TRIP12: variants seen among roughly 807,000 people sequenced by gnomAD.
TRIP12 encodes the protein E3 ubiquitin-protein ligase TRIP12.
TRIP12 carries 25 observed loss-of-function variants against 244.2 expected under a neutral mutation model. That is an observed-to-expected ratio of 0.10 (90% CI 0.07 to 0.14). TRIP12 has a LOEUF of 0.14. TRIP12 is among the 10% of genes least tolerant of loss of function. TRIP12 has a pLI of 1.00. For synonymous variants in TRIP12, 905 were observed against 873.1 expected, an observed-to-expected ratio of 1.04 and a Z score of -0.64; for missense variants, 1,677 against 2,486.4, an observed-to-expected ratio of 0.67 and a Z score of 6.92.
At position 229,797,765 on chromosome 2, in the gene TRIP12, C is replaced by T. The variant is rs2043174274; in HGVS notation, c.3549G>A (p.Glu1183=). 5 of 1,613,914 alleles carry T rather than the reference C, an allele frequency of 3.1e-6. No individual in the cohort carries two copies. Among genetic ancestry groups the T allele is most frequent in the Non-Finnish European group, 4.2e-6 (5 of 1,179,954 alleles). The change falls in exon 24 of 42, where the codon GAG becomes GAA. Residue 1183 remains glutamate, a synonymous_variant. Coordinates refer to ENST00000675903, the MANE Select transcript of TRIP12 (RefSeq NM_001348323.3). The part of the protein sequence containing the change: ...HKFVERYFSS[E]NMDGSNPALN... ...ATGCAGGGTTGCTTCCATCCATATTCTCAGAACTGAAATAACGTTCTACAA... is the reference window on the plus strand; with the variant it reads ...ATGCAGGGTTGCTTCCATCCATATTTTCAGAACTGAAATAACGTTCTACAA...
chr2:229,769,474 TAATAA>T (rs1349481238), intron 39 of TRIP12, 149 bp from the exon 40 acceptor site: 1 of 395,374 alleles, frequency 2.5e-6, no homozygotes, highest in Admixed American at 4.5e-5. Context: ...AAAAAAATAA[TAATAA>T]AATAAAATAA....
intron 6 of TRIP12, chr2:229,831,093 A>G (rs1371238198): frequency 1.4e-6 from 1 of 706,462 alleles, no homozygotes; most frequent in African/African-American, 1.8e-5. Context: ...GCTTTTGACA[A>G]ATTTCTTGTG....
intron 2 of TRIP12, among the ~76,000 whole-genome samples, chr2:229,871,473 G>A (rs1467961625): frequency 5.9e-5 from 9 of 152,124 alleles, no homozygotes; most frequent in Non-Finnish European, 8.8e-5. Context: ...TTCTTGCTCT[G>A]AGTTCACTTG....
At chr2:229,922,921 T>C (rs2076805391), upstream of TRIP12, among the ~76,000 whole-genome samples, 1 of 152,162 alleles carries the variant, frequency 6.6e-6, no homozygotes, top group Admixed American at 6.5e-5. Context: ...AACGGGCGTC[T>C]CCGGCTTGCG....
intron 34 of TRIP12, among the ~76,000 whole-genome samples, chr2:229,780,129 T>C (rs924448154): frequency 4.6e-5 from 7 of 152,202 alleles, no homozygotes; most frequent in Admixed American, 4.6e-4. Flanking sequence ...AGAGATCTGC[T>C]TGGGCCTAGT....
intron 1 of TRIP12, among the ~76,000 whole-genome samples, chr2:229,898,401 C>G (rs1297797595): frequency 6.6e-6 from 1 of 152,102 alleles, no homozygotes; most frequent in Admixed American, 6.6e-5. Flanking sequence ...TCTCTTTAAC[C>G]CTAATAACCC....
chr2:229,903,018 C>CTTTTTTTTTTTTTTTTTTTTT (rs57794819), intron 1 of TRIP12, among the ~76,000 whole-genome samples: 1 of 104,898 alleles, frequency 9.5e-6, no homozygotes, highest in Non-Finnish European at 2.1e-5. Flanking sequence ...TTCTTTTTTT[C>CTTTTTTTTTTTTTTTTTTTTT]TTTTTTTTTT....
chr2:229,785,108 C>T (rs1361314881), intron 34 of TRIP12, among the ~76,000 whole-genome samples: 2 of 152,146 alleles, frequency 1.3e-5, no homozygotes, highest in African/African-American at 2.4e-5. Context: ...TATAATGGAA[C>T]TACTCCATAA....
chr2:229,794,296 G>A (rs1357154215), intron 26 of TRIP12, among the ~76,000 whole-genome samples: 1 of 152,206 alleles, frequency 6.6e-6, no homozygotes, highest in African/African-American at 2.4e-5. Context: ...ACTAGGCTGA[G>A]TGTGGTGGCT....
chr2:229,905,391 G>A (rs1461462848), intron 1 of TRIP12, among the ~76,000 whole-genome samples: 1 of 152,072 alleles, frequency 6.6e-6, no homozygotes, highest in Non-Finnish European at 1.5e-5. Context: ...GAAGAGAGAA[G>A]ATATATTTTG....
At position 229,774,291 on chromosome 2, in the gene TRIP12, G is replaced by A. The variant is rs200218827; in HGVS notation, c.5530-30C>T. The A allele has an allele frequency of 6.3e-4, 995 of 1,581,634 alleles. 1 individual carries two copies. Among genetic ancestry groups the A allele is most frequent in the Non-Finnish European group, 7.8e-4 (907 of 1,167,244 alleles). ...AAAACACAAATGGGGGAGAAATGGT[G>A]TCAAGCAAAATTAACTTACGGTTGT... On this transcript the variant is annotated intron_variant, in intron 37 of 41. Transcript: ENST00000675903.
Position 229,788,708 on chromosome 2 carries a change from T to C in TRIP12, c.4838+90A>G. On this transcript the variant is annotated intron_variant, in intron 32 of 41. Transcript: ENST00000675903. Reference sequence around the variant, plus strand: ...CAGTATTAATAAACATTTGACTAGGTCCAGTAAAGACAATGTTTCTGTAAC... The same window carrying C: ...CAGTATTAATAAACATTTGACTAGGCCCAGTAAAGACAATGTTTCTGTAAC... 2.0e-5 allele frequency: 30 copies of C among 1,485,720 alleles called. 1 individual carries two copies. In the South Asian group the frequency reaches 3.9e-4, roughly 19 times the overall value. 92.0% of individuals were successfully genotyped at this position (1,485,720 alleles called of 1,614,324 possible).
At chr2:229,904,177 G>C (rs1330726921) in intron 1 of TRIP12, among the ~76,000 whole-genome samples, 1 of 152,080 alleles carries the variant, frequency 6.6e-6, no homozygotes, top group Non-Finnish European at 1.5e-5. Flanking sequence ...TCCCAGCATG[G>C]GTGGCCAAGG....
chr2:229,909,416 G>A (rs2073801590), intron 1 of TRIP12, among the ~76,000 whole-genome samples: 1 of 151,926 alleles, frequency 6.6e-6, no homozygotes, highest in Non-Finnish European at 1.5e-5. Flanking sequence ...ATATTAGCTG[G>A]ATGTGGTTGT....
chr2:229,916,562 C>T (rs889309723), intron 1 of TRIP12, among the ~76,000 whole-genome samples: 11 of 152,198 alleles, frequency 7.2e-5, no homozygotes, highest in South Asian at 4.1e-4. Context: ...TCTCAACAAA[C>T]GAACAAGCAT....
At chr2:229,867,079 T>C (rs1029694125) in intron 2 of TRIP12, among the ~76,000 whole-genome samples, 14 of 146,978 alleles carry the variant, frequency 9.5e-5, no homozygotes, top group African/African-American at 3.0e-4. Flanking sequence ...TATATATATA[T>C]ACACACACAC....
chr2:229,795,120 T>C, intron 26 of TRIP12, 59 bp downstream of exon 26: 1 of 1,566,436 alleles, frequency 6.4e-7, no homozygotes, highest in South Asian at 1.2e-5. Flanking sequence ...CCATCTTACT[T>C]CAGTGAAATT....
At chr2:229,790,983 G>A in intron 30 of TRIP12, 141 bp downstream of exon 30, 1 of 1,075,990 alleles carries the variant, frequency 9.3e-7, no homozygotes, top group African/African-American at 1.6e-5. Context: ...GATTAAATGT[G>A]ATCAAACTGT....
chr2:229,811,100 ACCT>A, intron 14 of TRIP12, 33 bp downstream of exon 14: 1 of 1,613,618 alleles, frequency 6.2e-7, no homozygotes, highest in Non-Finnish European at 8.5e-7. Flanking sequence ...CAATTCAACA[ACCT>A]CATAAAAATA....
Sources: gnomAD v4.1 joint callset for allele counts (sites outside exome capture counted in the v4.1 genomes callset) on GRCh38, gnomAD v4.1.1 for gene constraint, MANE v1.5 for transcripts, NCBI Gene and HGNC (gene_info 2026-07-23, HGNC 2026-07-21) for gene names.